TPP2: variants seen among roughly 807,000 people sequenced by gnomAD.
TPP2 encodes the protein tripeptidyl-peptidase 2.
A neutral mutation model predicts 155.9 loss-of-function variants in TPP2; 34 were observed. That is an observed-to-expected ratio of 0.22 (90% CI 0.17 to 0.29). TPP2 has a LOEUF of 0.29. Ranked by LOEUF, TPP2 falls within the 10% of genes least tolerant of loss-of-function variation. The pLI, the probability that TPP2 is intolerant of heterozygous loss-of-function variation, is 1.00. For missense variants in TPP2, 1,028 were observed against 1,522.3 expected, an observed-to-expected ratio of 0.68 and a Z score of 5.40; for synonymous variants, 510 against 529.4, an observed-to-expected ratio of 0.96 and a Z score of 0.50.
intron 16 of TPP2, 38 bp downstream of exon 16, chr13:102,640,414 G>A (rs1226631873): frequency 6.7e-7 from 1 of 1,503,564 alleles, no homozygotes; most frequent in African/African-American, 1.4e-5. Context: ...GCTTATCTCT[G>A]TTTACGTTCT....
intron 24 of TPP2, chr13:102,655,040 G>T: frequency 2.0e-6 from 1 of 499,838 alleles, no homozygotes; most frequent in South Asian, 1.5e-5. Flanking sequence ...CTGGCCCCCT[G>T]ACCTCAGAGG....
At chr13:102,641,307 G>A (rs1453922661) in intron 16 of TPP2, among the ~76,000 whole-genome samples, 1 of 152,182 alleles carries the variant, frequency 6.6e-6, no homozygotes, top group African/African-American at 2.4e-5. Context: ...GCAAATACGG[G>A]CAGTCAAGAA....
chr13:102,599,055 TAGTG>T (rs1377354091), intron 1 of TPP2, among the ~76,000 whole-genome samples: 1 of 152,160 alleles, frequency 6.6e-6, no homozygotes, highest in Non-Finnish European at 1.5e-5. Flanking sequence ...GTCACCCAGG[TAGTG>T]AGCGTGGTAC....
At chr13:102,631,604 C>A (rs1403839387) in intron 10 of TPP2, 1 of 152,190 alleles carries the variant, frequency 6.6e-6, no homozygotes, top group Admixed American at 6.5e-5. Context: ...TTTAAACCAG[C>A]CTTTGCCGAT....
intron 7 of TPP2, among the ~76,000 whole-genome samples, chr13:102,627,506 A>G (rs973789522): frequency 1.6e-4 from 25 of 152,076 alleles, no homozygotes; most frequent in African/African-American, 5.8e-4. Context: ...AACATTCTGT[A>G]CGTCATTTTA....
intron 7 of TPP2, among the ~76,000 whole-genome samples, chr13:102,627,482 T>A (rs1015389775): frequency 5.3e-5 from 8 of 152,136 alleles, no homozygotes; most frequent in African/African-American, 1.7e-4. Context: ...TAAGAGGAAT[T>A]TAAAACCTCA....
intron 2 of TPP2, among the ~76,000 whole-genome samples, chr13:102,609,118 G>C (rs1420204545): frequency 6.6e-6 from 1 of 152,194 alleles, no homozygotes; most frequent in Non-Finnish European, 1.5e-5. Context: ...ACCACACCAT[G>C]CAAGGGGCCT....
Position 102,640,261 on chromosome 13 carries a change from A to T in TPP2, c.1914-9A>T. 1 of 1,562,712 alleles carries T rather than the reference A, an allele frequency of 6.4e-7. No homozygotes were observed. The highest frequency in any genetic ancestry group is 8.7e-7 in the Non-Finnish European group (1 of 1,144,350). Reference sequence around the variant, plus strand: ...ATATATACATTTAATTACTTTTATTAATTTTCAGAGTAAATGAATCATCAC... The same window carrying T: ...ATATATACATTTAATTACTTTTATTTATTTTCAGAGTAAATGAATCATCAC... On this transcript the variant is annotated splice_polypyrimidine_tract_variant and intron_variant, in intron 15 of 29. Coordinates refer to ENST00000376052, the MANE Select transcript of TPP2 (RefSeq NM_001330588.2).
chr13:102,672,762 A>G (rs916498418), intron 27 of TPP2, among the ~76,000 whole-genome samples: 15 of 152,210 alleles, frequency 9.9e-5, no homozygotes, highest in African/African-American at 2.4e-5. Flanking sequence ...GGATCAGGCA[A>G]TGGCAAGCCA....
At chr13:102,638,174 GAC>G in intron 14 of TPP2, 63 bp from the exon 15 acceptor site, 1 of 1,456,498 alleles carries the variant, frequency 6.9e-7, no homozygotes, top group Non-Finnish European at 9.6e-7. Flanking sequence ...CAGTAGTTTA[GAC>G]CTTCCCCCGC....
At chr13:102,634,547 G>A (rs1362005802) in intron 11 of TPP2, among the ~76,000 whole-genome samples, 1 of 152,158 alleles carries the variant, frequency 6.6e-6, no homozygotes, top group African/African-American at 2.4e-5. Context: ...GCTTAGCCAG[G>A]ACTCAGATTT....
In TPP2 at chr13:102,648,947, T is replaced by C; in HGVS notation, c.2669T>C (p.Leu890Pro). ...KLEKGDYTIR[L>P]QIRHEQISDL... Reference sequence around the variant, plus strand: ...GAGAAAGGAGATTATACAATTCGACTACAGATTCGCCATGAGCAAATCAGT... The same window carrying C: ...GAGAAAGGAGATTATACAATTCGACCACAGATTCGCCATGAGCAAATCAGT... Residue 890 changes from leucine (L) to proline (P), a missense_variant, in exon 22 of 30, where the codon CTA becomes CCA. Leu to Pro is a moderately conservative substitution (Grantham distance 98). Coordinates refer to ENST00000376052, the MANE Select transcript of TPP2 (RefSeq NM_001330588.2). 1 of 1,610,566 alleles carries C rather than the reference T, an allele frequency of 6.2e-7. No individual in the cohort carries two copies. The highest frequency in any genetic ancestry group is 8.5e-7 in the Non-Finnish European group (1 of 1,179,170).
At chr13:102,637,353 C>A in intron 14 of TPP2, 114 bp downstream of exon 14, 1 of 1,130,372 alleles carries the variant, frequency 8.8e-7, no homozygotes, top group Non-Finnish European at 1.2e-6. Context: ...AATAACTAGA[C>A]CTATCCATCT....
At position 102,647,327 on chromosome 13, in the gene TPP2, G is replaced by A; in HGVS notation, c.2611G>A (p.Asp871Asn). ...GAACAAAAGACAGATGGGTTCAGGCGATGCCTATCCACATCAGGTATAAAA... is the reference window on the plus strand; with the variant it reads ...GAACAAAAGACAGATGGGTTCAGGCAATGCCTATCCACATCAGGTATAAAA... Reference protein sequence around the residue: ...DQNKRQMGSGDAYPHQYSLKL... With the variant: ...DQNKRQMGSGNAYPHQYSLKL... The change falls in exon 21 of 30, where the codon GAT becomes AAT. Residue 871 changes from aspartate (D) to asparagine (N), a missense_variant. Physicochemically the swap from Asp to Asn is conservative, Grantham distance 23. This residue lies in a region of TPP2 where 179 missense variants were observed against 274.7 expected (regional missense o/e 0.65). Transcript: ENST00000376052. 6.2e-7 allele frequency: 1 copy of A among 1,613,334 alleles called. No homozygotes were observed.
Position 102,643,452 on chromosome 13 carries a change from A to G in TPP2, c.2175+76A>G, listed in dbSNP as rs568415825. 295 of 1,270,006 alleles carry G rather than the reference A, an allele frequency of 2.3e-4. 2 individuals are homozygous for G. In the African/African-American group the frequency reaches 4.1e-3, roughly 18 times the overall value. The allele number at this position is 1,270,006 out of a possible 1,614,324, so 78.7% of individuals were successfully genotyped here. The stretch of plus-strand genomic sequence containing the variant: ...GTATGGGCTAAGACTAAGTATTTGC[A>G]TTTGATTTTATAGTTTGTATTTAGC... On this transcript the variant is annotated intron_variant, in intron 17 of 29. Transcript: ENST00000376052.
chr13:102,598,684 G>A (rs1224334778), intron 1 of TPP2, among the ~76,000 whole-genome samples: 1 of 152,218 alleles, frequency 6.6e-6, no homozygotes, highest in Non-Finnish European at 1.5e-5. Flanking sequence ...GCTGGGATAA[G>A]TGGTTCACCG....
At chr13:102,630,429 A>T (rs568455327) in intron 10 of TPP2, among the ~76,000 whole-genome samples, 11 of 152,196 alleles carry the variant, frequency 7.2e-5, no homozygotes, top group Non-Finnish European at 1.6e-4. Flanking sequence ...TCTTATTCCT[A>T]TATCCATAAT....
intron 13 of TPP2, 83 bp from the exon 14 acceptor site, chr13:102,636,999 A>AT: frequency 6.8e-7 from 1 of 1,463,610 alleles, no homozygotes; most frequent in Non-Finnish European, 9.1e-7. Flanking sequence ...AAGTCGCTAA[A>AT]TTTTTTTGGA....
intron 1 of TPP2, among the ~76,000 whole-genome samples, chr13:102,599,964 A>G (rs1423170333): frequency 6.8e-6 from 1 of 146,396 alleles, no homozygotes; most frequent in African/African-American, 2.6e-5. Flanking sequence ...TCCATCCTTC[A>G]CATTTCTAGA....
Sources: gnomAD v4.1 joint callset for allele counts (sites outside exome capture counted in the v4.1 genomes callset) on GRCh38, gnomAD v4.1.1 for gene constraint, gnomAD v4.1.1 regional missense constraint, MANE v1.5 for transcripts, NCBI Gene and HGNC (gene_info 2026-07-23, HGNC 2026-07-21) for gene names.